Variants in PRKG1 observed in about 807,000 individuals in gnomAD.
PRKG1 encodes the protein protein kinase cGMP-dependent 1.
In PRKG1, 35 loss-of-function variants were observed where a neutral mutation model predicts 88.1. The ratio of observed to expected loss-of-function variants is 0.40; its 90% CI spans 0.30 to 0.53. PRKG1 has a LOEUF of 0.53. Ranked by LOEUF, PRKG1 falls within the 20% of genes least tolerant of loss-of-function variation. The probability of loss-of-function intolerance (pLI) is 0.59; values close to 1 mark genes in which losing one functional copy is unlikely to be tolerated. For missense variants in PRKG1, 540 were observed against 839.8 expected, an observed-to-expected ratio of 0.64 and a Z score of 4.41; for synonymous variants, 303 against 292.5, an observed-to-expected ratio of 1.04 and a Z score of -0.37.
intron 2 of PRKG1, among the ~76,000 whole-genome samples, chr10:51,389,175 CTT>C (rs1837331462): frequency 6.6e-6 from 1 of 152,092 alleles, no homozygotes; most frequent in African/African-American, 2.4e-5. Context: ...GAGTACAAAT[CTT>C]TTTAAAAGAT....
Position 52,238,937 on chromosome 10 carries a change from A to G in PRKG1, c.1077-12633A>G, listed in dbSNP as rs879561166. Among the ~76,000 whole-genome samples the G allele has an allele frequency of 7.0e-3, 940 of 134,770 alleles. 7 individuals carry two copies. Among genetic ancestry groups the G allele is most frequent in the Non-Finnish European group, 0.011 (686 of 63,470 alleles). The allele number at this position is 134,770 out of a possible 152,430, so 88.4% of individuals were successfully genotyped here. A position where few individuals can be genotyped will look rare whatever the true frequency, so the allele number is the denominator to read the frequency against. ...GAACCAACCCAAATGTCCAACAATG[A>G]TAGACTGGATTAAGAAAATGTGGCA... On this transcript the variant is annotated intron_variant, in intron 9 of 17. Coordinates refer to ENST00000373980, the MANE Select transcript of PRKG1 (RefSeq NM_006258.4).
chr10:52,168,081 A>G (rs1838540163), intron 9 of PRKG1, among the ~76,000 whole-genome samples: 1 of 152,194 alleles, frequency 6.6e-6, no homozygotes, highest in Admixed American at 6.5e-5. Context: ...GCTTTCATCT[A>G]TTCAACAGTT....
intron 2 of PRKG1, among the ~76,000 whole-genome samples, chr10:51,444,209 G>C (rs1336490879): frequency 6.6e-6 from 1 of 151,378 alleles, no homozygotes; most frequent in African/African-American, 2.4e-5. Flanking sequence ...AAATGGGCAG[G>C]GTCTGGGAAA....
intron 2 of PRKG1, among the ~76,000 whole-genome samples, chr10:51,317,237 G>A (rs199917245): frequency 6.5e-5 from 5 of 77,354 alleles, no homozygotes; most frequent in Admixed American, 1.2e-4. Context: ...CATGGTTTAC[G>A]TGTTTAGTTT....
intron 3 of PRKG1, among the ~76,000 whole-genome samples, chr10:51,665,150 G>A (rs772628799): frequency 3.9e-5 from 6 of 152,150 alleles, no homozygotes; most frequent in Non-Finnish European, 7.4e-5. Context: ...CGTTATCTGG[G>A]CATAAATAAT....
intron 8 of PRKG1, among the ~76,000 whole-genome samples, chr10:52,147,418 A>T (rs553045664): frequency 6.6e-6 from 1 of 152,332 alleles, no homozygotes; most frequent in South Asian, 2.1e-4. Context: ...TCCCCACAAT[A>T]GCCCCATGGG....
intron 4 of PRKG1, among the ~76,000 whole-genome samples, chr10:51,907,272 A>G (rs1042044626): frequency 6.6e-6 from 1 of 151,860 alleles, no homozygotes; most frequent in Non-Finnish European, 1.5e-5. Flanking sequence ...TTTTTTTTTC[A>G]TACTCCATGC....
intron 9 of PRKG1, among the ~76,000 whole-genome samples, chr10:52,206,045 G>T (rs911447782): frequency 6.6e-6 from 1 of 151,842 alleles, no homozygotes; most frequent in African/African-American, 2.4e-5. Context: ...TCTCTTTCAG[G>T]GATTCCAATG....
intron 1 of PRKG1, among the ~76,000 whole-genome samples, chr10:51,081,969 G>T (rs1405198338): frequency 6.6e-6 from 1 of 152,106 alleles, no homozygotes. Context: ...TGCACAGGCT[G>T]GTCTTGAACT....
chr10:51,590,718 T>C (rs7911522), intron 3 of PRKG1, among the ~76,000 whole-genome samples: 10,956 of 152,188 alleles, frequency 0.072, 1,300 homozygotes, highest in African/African-American at 0.25. Flanking sequence ...AGCTGTGTCA[T>C]CAAGCACAAT....
chr10:51,293,838 A>G (rs578220972), intron 2 of PRKG1, among the ~76,000 whole-genome samples: 12 of 152,276 alleles, frequency 7.9e-5, no homozygotes, highest in African/African-American at 2.4e-4. Flanking sequence ...CCCACCAACA[A>G]AAGTTCCATT....
intron 8 of PRKG1, among the ~76,000 whole-genome samples, chr10:52,159,386 T>G (rs1438025667): frequency 6.6e-6 from 1 of 151,530 alleles, no homozygotes; most frequent in East Asian, 1.9e-4. Flanking sequence ...CTTCAAATAC[T>G]ACTTTTGTTC....
Position 50,991,310 on chromosome 10 carries a change from A to AGTC in PRKG1, c.-68_-67insTCG. The AGTC allele has an allele frequency of 1.4e-6, 2 of 1,396,524 alleles. No homozygotes were observed. The highest frequency in any genetic ancestry group is 3.3e-5 in the African/African-American group (2 of 61,052). 86.5% of individuals were successfully genotyped at this position (1,396,524 alleles called of 1,614,324 possible). A position where few individuals can be genotyped will look rare whatever the true frequency, so the allele number is the denominator to read the frequency against. On this transcript the variant is annotated 5_prime_UTR_variant, in exon 1 of 18. Transcript: ENST00000401604. This position sits in a 1 kb window ranked among gnomAD's most constrained non-coding sequence, Gnocchi z 4.5. Reference sequence around the variant, plus strand: ...GCTCTCCGCTGCCGGCTGCCGTCCCAGCCGCCGCCGCCGCCGCCGCCGCCG... The same window carrying AGTC: ...GCTCTCCGCTGCCGGCTGCCGTCCCAGTCGCCGCCGCCGCCGCCGCCGCCGCCG...
chr10:51,671,213 A>G (rs751130584), intron 3 of PRKG1, among the ~76,000 whole-genome samples: 1 of 152,246 alleles, frequency 6.6e-6, no homozygotes, highest in Non-Finnish European at 1.5e-5. Context: ...TTCAGTTAGC[A>G]TGTGAAAGAT....
At chr10:51,698,565 G>C (rs774114922) in intron 3 of PRKG1, 1 of 1,614,026 alleles carries the variant, frequency 6.2e-7, no homozygotes, top group Non-Finnish European at 8.5e-7. Flanking sequence ...TCTCCTAACA[G>C]TCCTCGAGGA....
intron 2 of PRKG1, among the ~76,000 whole-genome samples, chr10:51,318,696 A>AT (rs1334243374): frequency 1.3e-5 from 2 of 152,278 alleles, no homozygotes; most frequent in African/African-American, 2.4e-5. Flanking sequence ...CATTGAAAGA[A>AT]TTTTTTTCAT....
intron 3 of PRKG1, among the ~76,000 whole-genome samples, chr10:51,528,779 T>C (rs1037729849): frequency 3.9e-5 from 6 of 152,098 alleles, no homozygotes; most frequent in African/African-American, 1.2e-4. Context: ...AGAGGATTCC[T>C]AACCCTTAGA....
intron 2 of PRKG1, among the ~76,000 whole-genome samples, chr10:51,180,183 C>T (rs182256615): frequency 1.1e-3 from 175 of 152,280 alleles, no homozygotes; most frequent in African/African-American, 3.7e-3. Flanking sequence ...ACACCACTCA[C>T]GGACTGTCTC....
chr10:51,201,429 G>A (rs1409195508), intron 2 of PRKG1, among the ~76,000 whole-genome samples: 1 of 152,128 alleles, frequency 6.6e-6, no homozygotes, highest in Non-Finnish European at 1.5e-5. Context: ...TCCAGCCTAG[G>A]GGACAAGAGT....
Sources: allele counts gnomAD v4.1 joint callset (sites outside exome capture counted in the v4.1 genomes callset), GRCh38; gene constraint gnomAD v4.1.1; non-coding constraint Gnocchi (gnomAD v3.1); transcripts MANE v1.5; gene names NCBI Gene and HGNC (gene_info 2026-07-23, HGNC 2026-07-21).